NEK1: variants seen among roughly 807,000 people sequenced by gnomAD.
The protein encoded by NEK1 is serine/threonine-protein kinase Nek1.
A neutral mutation model predicts 182.1 loss-of-function variants in NEK1; 137 were observed. That is an observed-to-expected ratio of 0.75 (90% CI 0.65 to 0.87). The LOEUF (loss-of-function observed/expected upper bound fraction) is 0.87, where lower values mean the gene tolerates loss of function less well. Among genes scored for constraint, NEK1 ranks in the 40% least tolerant of loss-of-function variants. The probability of loss-of-function intolerance (pLI) is 0.00; values close to 1 mark genes in which losing one functional copy is unlikely to be tolerated. For synonymous variants in NEK1, 513 were observed against 492.2 expected (o/e 1.04, Z -0.56); for missense variants, 1,391 against 1,494.4 (o/e 0.93, Z 1.14).
intron 18 of NEK1, among the ~76,000 whole-genome samples, chr4:169,542,695 G>A (rs1759662823): frequency 7.3e-6 from 1 of 137,862 alleles, no homozygotes; most frequent in African/African-American, 3.0e-5. Flanking sequence ...ATCACCATTT[G>A]GTGTGAGATG....
chr4:169,605,505 C>A (rs1771186496), intron 2 of NEK1, among the ~76,000 whole-genome samples: 1 of 152,190 alleles, frequency 6.6e-6, no homozygotes, highest in African/African-American at 2.4e-5. Flanking sequence ...TTACTTTCAG[C>A]ATCTTACAAT....
chr4:169,535,289 C>A (rs758202683), intron 19 of NEK1, among the ~76,000 whole-genome samples: 5 of 152,140 alleles, frequency 3.3e-5, no homozygotes, highest in Admixed American at 1.3e-4. Context: ...TGTCTCTGCA[C>A]TTCAGCCTGG....
rs1731462968 is a variant in NEK1, at chr4:169,400,453, G to C, written c.3714+68C>G. On this transcript the variant is annotated intron_variant, in intron 34 of 35. Coordinates refer to ENST00000507142, the MANE Select transcript of NEK1 (RefSeq NM_001199397.3). ...TATAATAAATCTAATGACCAATACA[G>C]ATTATCAACATTTCTTCAACCTTCA... is the stretch of plus-strand genomic sequence containing the variant. The C allele has an allele frequency of 5.4e-6, 8 of 1,495,284 alleles. No individual in the cohort carries two copies. In the South Asian group the frequency reaches 1.1e-4, roughly 21 times the overall value. 92.6% of individuals were successfully genotyped at this position (1,495,284 alleles called of 1,614,324 possible). A position where few individuals can be genotyped will look rare whatever the true frequency, so the allele number is the denominator to read the frequency against.
intron 31 of NEK1, among the ~76,000 whole-genome samples, chr4:169,410,358 A>G (rs750716042): frequency 6.6e-6 from 1 of 152,200 alleles, no homozygotes; most frequent in Non-Finnish European, 1.5e-5. Flanking sequence ...GAAACATATA[A>G]CATAGTGAAT....
At chr4:169,435,061 G>C (rs1382675936) in intron 28 of NEK1, among the ~76,000 whole-genome samples, 2 of 152,106 alleles carry the variant, frequency 1.3e-5, no homozygotes, top group East Asian at 3.8e-4. Context: ...ATAAGATACT[G>C]TTTTAGTTCA....
intron 12 of NEK1, among the ~76,000 whole-genome samples, chr4:169,566,948 AG>A (rs1002242724): frequency 3.3e-5 from 5 of 152,150 alleles, no homozygotes; most frequent in Non-Finnish European, 7.4e-5. Context: ...TACAAAAAAT[AG>A]CTGGGTGTGG....
In NEK1 at chr4:169,576,973, T is replaced by C. The variant is rs150904906; in HGVS notation, c.975A>G (p.Gly325=). ...GTTTCTTTTCGTGTAATTTTTTATC[T>C]CCATATTTCTTATATGCTAAAGGTA... is the stretch of plus-strand genomic sequence containing the variant. The part of the protein sequence containing the change: ...YGIPLAYKKY[G]DKKLHEKKPL... The change falls in exon 12 of 36, where the codon GGA becomes GGG. Residue 325 remains glycine, a synonymous_variant. Coordinates refer to ENST00000507142, the MANE Select transcript of NEK1 (RefSeq NM_001199397.3). 568 of 1,612,542 alleles carry C rather than the reference T, an allele frequency of 3.5e-4. 4 individuals are homozygous for C. In the African/African-American group the frequency reaches 6.5e-3, roughly 18 times the overall value.
chr4:169,580,033 CACAT>C (rs1395289011), intron 11 of NEK1, among the ~76,000 whole-genome samples: 1 of 152,106 alleles, frequency 6.6e-6, no homozygotes, highest in Non-Finnish European at 1.5e-5. Flanking sequence ...ATTTCCCTCT[CACAT>C]AGATACATCT....
intron 31 of NEK1, among the ~76,000 whole-genome samples, chr4:169,409,023 C>A (rs1272780185): frequency 6.6e-6 from 1 of 152,084 alleles, no homozygotes; most frequent in Admixed American, 6.5e-5. Context: ...GTAGTTCTAC[C>A]TTTAGCTCTT....
intron 4 of NEK1, among the ~76,000 whole-genome samples, chr4:169,600,802 T>C (rs2150134871): frequency 6.6e-6 from 1 of 152,322 alleles, no homozygotes; most frequent in Non-Finnish European, 1.5e-5. Context: ...ATCATTTATG[T>C]TTGATGCTAG....
At chr4:169,420,389 T>C (rs1163126341) in intron 31 of NEK1, among the ~76,000 whole-genome samples, 2 of 152,200 alleles carry the variant, frequency 1.3e-5, no homozygotes, top group Middle Eastern at 3.2e-3. Context: ...AAACCAGGCA[T>C]GCAGTCAATT....
intron 19 of NEK1, among the ~76,000 whole-genome samples, chr4:169,527,889 G>T (rs1237621298): frequency 6.6e-6 from 1 of 151,940 alleles, no homozygotes; most frequent in Non-Finnish European, 1.5e-5. Flanking sequence ...GGAATTGTTA[G>T]ACTACATTTT....
At chr4:169,593,275 T>G (rs1335347201) in intron 5 of NEK1, among the ~76,000 whole-genome samples, 2 of 152,210 alleles carry the variant, frequency 1.3e-5, no homozygotes, top group African/African-American at 4.8e-5. Context: ...AGTCTTCCAT[T>G]ATAGCATAAA....
intron 27 of NEK1, among the ~76,000 whole-genome samples, chr4:169,442,117 C>T (rs1739574329): frequency 6.6e-6 from 1 of 152,136 alleles, no homozygotes; most frequent in Non-Finnish European, 1.5e-5. Context: ...ACTGCTGGCA[C>T]CCAAGTAAGC....
At chr4:169,505,757 A>C (rs1347181167) in intron 23 of NEK1, among the ~76,000 whole-genome samples, 2 of 152,230 alleles carry the variant, frequency 1.3e-5, no homozygotes, top group Non-Finnish European at 2.9e-5. Context: ...AAACCCAGAA[A>C]ATTAACTTAA....
intron 9 of NEK1, among the ~76,000 whole-genome samples, chr4:169,586,332 T>C (rs1767532768): frequency 6.6e-6 from 1 of 152,116 alleles, no homozygotes; most frequent in Non-Finnish European, 1.5e-5. Flanking sequence ...CTACTAAATG[T>C]TGAGCTCTCC....
At chr4:169,611,729 T>C (rs1772353438) in intron 2 of NEK1, among the ~76,000 whole-genome samples, 1 of 152,212 alleles carries the variant, frequency 6.6e-6, no homozygotes, top group South Asian at 2.1e-4. Context: ...TTATCAGTAA[T>C]TTAAGATTGG....
intron 23 of NEK1, among the ~76,000 whole-genome samples, chr4:169,493,041 C>T (rs1485525438): frequency 6.6e-6 from 1 of 152,098 alleles, no homozygotes; most frequent in Non-Finnish European, 1.5e-5. Flanking sequence ...TCTGGTGGCT[C>T]GATGAAAGTG....
intron 26 of NEK1, among the ~76,000 whole-genome samples, chr4:169,471,501 C>T (rs565153986): frequency 2.6e-5 from 4 of 152,262 alleles, no homozygotes; most frequent in Non-Finnish European, 4.4e-5. Flanking sequence ...CTGGAAGCTT[C>T]GTCGCAGAGA....
Sources: gnomAD v4.1 joint callset for allele counts (sites outside exome capture counted in the v4.1 genomes callset) on GRCh38, gnomAD v4.1.1 for gene constraint, MANE v1.5 for transcripts, NCBI Gene and HGNC (gene_info 2026-07-23, HGNC 2026-07-21) for gene names.